Variants in COA4 observed in about 807,000 individuals in gnomAD.
COA4 encodes cytochrome c oxidase assembly factor 4 homolog.
A neutral mutation model predicts 7.3 loss-of-function variants in COA4; 8 were observed. The observed-to-expected ratio is 1.10, with a 90% confidence interval of 0.64 to 1.98. COA4 has a LOEUF of 1.98. Ranked by LOEUF, COA4 falls within the 30% of genes most tolerant of loss-of-function variation. The probability of loss-of-function intolerance (pLI) is 0.00; values close to 1 mark genes in which losing one functional copy is unlikely to be tolerated. For missense variants in COA4, 96 were observed against 111.2 expected, an observed-to-expected ratio of 0.86 and a Z score of 0.62; for synonymous variants, 42 against 44.3, an observed-to-expected ratio of 0.95 and a Z score of 0.21.
In COA4 at chr11:73,872,807, C is replaced by G. The variant is rs1948702929; in HGVS notation, c.*308G>C. On this transcript the variant is annotated 3_prime_UTR_variant, in exon 2 of 2. Coordinates refer to ENST00000355693, the MANE Select transcript of COA4 (RefSeq NM_016565.3). ...AAATTTAATTTAAAATAAAATGTCC[C>G]TAAAATCATCTCAGTACTTGGCACA... 3.1e-6 allele frequency: 1 copy of G among 322,244 alleles called. No homozygotes were observed. Among genetic ancestry groups the G allele is most frequent in the Non-Finnish European group, 5.7e-6 (1 of 175,892 alleles). 20.0% of individuals were successfully genotyped at this position (322,244 alleles called of 1,614,324 possible).
In COA4 at chr11:73,873,180, C is replaced by G; in HGVS notation, c.199G>C (p.Glu67Gln). The change falls in exon 2 of 2, where the codon GAA (glutamate) becomes CAA (glutamine). Residue 67 changes from glutamate to glutamine, a missense_variant. Transcript: ENST00000355693. Reference protein sequence around the residue: ...QVQAFKDCMSEQQARRQEELQ... With the variant: ...QVQAFKDCMSQQQARRQEELQ... ...TCCTCTTGCCGCCTCGCCTGCTGTT[C>G]ACTCATGCAATCCTTGAACGCCTGC... 1 of 1,614,184 alleles carries G rather than the reference C, an allele frequency of 6.2e-7. No individual in the cohort carries two copies. The highest frequency in any genetic ancestry group is 8.5e-7 in the Non-Finnish European group (1 of 1,180,002).
At chr11:73,873,501 C>T in intron 1 of COA4, 107 bp from the exon 2 acceptor site, 1 of 982,154 alleles carries the variant, frequency 1.0e-6, no homozygotes, top group Non-Finnish European at 1.5e-6. Context: ...GTGTCTGTCT[C>T]CCGTGGGAGA....
In COA4 at chr11:73,873,223, C is replaced by G. The variant is rs757892082; in HGVS notation, c.156G>C (p.Arg52=). The change falls in exon 2 of 2, where the codon CGG becomes CGC. Residue 52 remains arginine, a synonymous_variant. Coordinates refer to ENST00000355693, the MANE Select transcript of COA4 (RefSeq NM_016565.3). ...QECMAQHQDW[R]QCQPQVQAFK... is the part of the protein sequence containing the mutation. The stretch of plus-strand genomic sequence containing the variant: ...ACGCCTGCACCTGTGGCTGGCATTG[C>G]CGCCAGTCCTGGTGCTGGGCCATGC... The G allele has an allele frequency of 1.2e-6, 2 of 1,614,220 alleles. No homozygotes were observed. Among genetic ancestry groups the G allele is most frequent in the Non-Finnish European group, 1.7e-6 (2 of 1,180,044 alleles).
Position 73,873,229 on chromosome 11 carries a change from G to A in COA4, c.150C>T (p.Asp50=). The change falls in exon 2 of 2, where the codon GAC becomes GAT. Residue 50 remains aspartate (D), a synonymous_variant. Coordinates refer to ENST00000355693, the MANE Select transcript of COA4 (RefSeq NM_016565.3). ...AVQECMAQHQ[D]WRQCQPQVQA... ...GCACCTGTGGCTGGCATTGCCGCCA[G>A]TCCTGGTGCTGGGCCATGCACTCCT... 1 of 1,614,234 alleles carries A rather than the reference G, an allele frequency of 6.2e-7. No homozygotes were observed. The highest frequency in any genetic ancestry group is 8.5e-7 in the Non-Finnish European group (1 of 1,180,048).
At position 73,873,538 on chromosome 11, in the gene COA4, T is replaced by C; in HGVS notation, c.-16-144A>G. 2.8e-5 allele frequency: 8 copies of C among 280,854 alleles called. 1 individual carries two copies. Among genetic ancestry groups the C allele is most frequent in the Non-Finnish European group, 4.3e-5 (8 of 185,492 alleles). The allele number at this position is 280,854 out of a possible 1,614,324, so 17.4% of individuals were successfully genotyped here. On this transcript the variant is annotated intron_variant, in intron 1 of 1. Transcript: ENST00000355693. ...TCTAAGCTTGAAGACAGATGCTTGT[T>C]TTTTTTTTTTTTTTTTTGAGGGTGT...
In COA4 at chr11:73,874,145, T is replaced by C. The variant is rs1223729667; in HGVS notation, c.-16-751A>G. Among the ~76,000 whole-genome samples, 3 of 151,944 alleles carry C rather than the reference T, an allele frequency of 2.0e-5. No individual in the cohort carries two copies. The South Asian group carries it at 6.2e-4, about 32-fold the overall frequency. On this transcript the variant is annotated intron_variant, in intron 1 of 1. Transcript: ENST00000355693. ...GCAGGGGTAATAGCAAGACCTCATC[T>C]CTACAAAAAAATTTAAAAATGGCTG...
At chr11:73,873,654 G>A in intron 1 of COA4, 1 of 504,006 alleles carries the variant, frequency 2.0e-6, no homozygotes, top group East Asian at 3.1e-5. Flanking sequence ...GAGTAGCTGG[G>A]ACTACAGGTG....
chr11:73,875,647 T>C (rs142646200), intron 1 of COA4: 1 of 148,904 alleles, frequency 6.7e-6, no homozygotes, highest in African/African-American at 2.5e-5. Flanking sequence ...GTGGTTGAGA[T>C]AGAATCTGAC....
rs758708952 is a variant in COA4 at position 73,873,388 on chromosome 11, G to C, written c.-10C>G. ...GGACTGAGGTTGACATCCTGGGGAT[G>C]GGGAGTCTATAGAACATTAACAGGT... On this transcript the variant is annotated 5_prime_UTR_variant, in exon 2 of 2. Coordinates refer to ENST00000355693, the MANE Select transcript of COA4 (RefSeq NM_016565.3). 2.8e-5 allele frequency: 45 copies of C among 1,613,678 alleles called. No individual in the cohort carries two copies. The highest frequency in any genetic ancestry group is 3.8e-5 in the Non-Finnish European group (45 of 1,179,804).
Position 73,873,282 on chromosome 11 carries a change from C to A in COA4, c.97G>T (p.Gly33Cys). The A allele has an allele frequency of 6.2e-7, 1 of 1,614,260 alleles. No homozygotes were observed. The highest frequency in any genetic ancestry group is 8.5e-7 in the Non-Finnish European group (1 of 1,180,054). Residue 33 changes from glycine (G) to cysteine (C), a missense_variant, in exon 2 of 2, where the codon GGC becomes TGC. Transcript: ENST00000355693. The stretch of plus-strand genomic sequence containing the variant: ...ACTGCAAAGTGGGAGGCAGCACAGC[C>A]AGAGCGGGAGATCAGCTGGTCCAGC... ...DPLDQLISRS[G>C]CAASHFAVQE...
At chr11:73,876,126 CAA>C (rs60469198) in intron 1 of COA4, 70 of 102,794 alleles carry the variant, frequency 6.8e-4, no homozygotes, top group Admixed American at 8.5e-4. Context: ...GACCCTGTCT[CAA>C]AAAAAAAAAA....
Position 73,876,752 on chromosome 11 carries a change from C to T in COA4, c.-17+5G>A. 1 of 339,190 alleles carries T rather than the reference C, an allele frequency of 2.9e-6. No homozygotes were observed. The highest frequency in any genetic ancestry group is 5.3e-6 in the Non-Finnish European group (1 of 187,740). 21.0% of individuals were successfully genotyped at this position (339,190 alleles called of 1,614,324 possible). A position where few individuals can be genotyped will look rare whatever the true frequency, so the allele number is the denominator to read the frequency against. Reference sequence around the variant, plus strand: ...CTCCTGAAGAACGCGGTACGCGATGCTCACCGAACAGGTGGGAGAAGAGGG... The same window carrying T: ...CTCCTGAAGAACGCGGTACGCGATGTTCACCGAACAGGTGGGAGAAGAGGG... On this transcript the variant is annotated splice_donor_5th_base_variant and intron_variant, in intron 1 of 1. Coordinates refer to ENST00000355693, the MANE Select transcript of COA4 (RefSeq NM_016565.3).
intron 1 of COA4, chr11:73,873,652 G>A (rs1467247285): frequency 3.9e-6 from 2 of 511,460 alleles, no homozygotes; most frequent in Non-Finnish European, 6.8e-6. Context: ...CAGAGTAGCT[G>A]GGACTACAGG....
intron 1 of COA4, chr11:73,876,126 CA>C (rs60469198): frequency 0.5 from 51,653 of 102,494 alleles, 9,996 homozygotes; most frequent in African/African-American, 0.64. Flanking sequence ...GACCCTGTCT[CA>C]AAAAAAAAAA....
intron 1 of COA4, among the ~76,000 whole-genome samples, chr11:73,875,524 A>C (rs1002539334): frequency 1.1e-4 from 16 of 152,196 alleles, no homozygotes; most frequent in African/African-American, 3.6e-4. Flanking sequence ...AGACAAGGGC[A>C]GGAATAGGCA....
intron 1 of COA4, chr11:73,876,335 CCTTA>C (rs1289963574): frequency 8.5e-5 from 13 of 152,138 alleles, no homozygotes; most frequent in Non-Finnish European, 1.5e-4. Context: ...CAGCACTACG[CCTTA>C]CTATGTAATC....
intron 1 of COA4, among the ~76,000 whole-genome samples, chr11:73,874,771 A>G (rs901986547): frequency 6.6e-6 from 1 of 152,198 alleles, no homozygotes; most frequent in African/African-American, 2.4e-5. Flanking sequence ...ATGGATCATA[A>G]GGTCAGAAGT....
At chr11:73,874,389 G>T (rs532734389) in intron 1 of COA4, 1 of 151,768 alleles carries the variant, frequency 6.6e-6, no homozygotes, top group Non-Finnish European at 1.5e-5. Flanking sequence ...CGGAGGTTGC[G>T]GAGAGCCGAG....
At chr11:73,873,519 C>A in intron 1 of COA4, 125 bp from the exon 2 acceptor site, 1 of 733,064 alleles carries the variant, frequency 1.4e-6, no homozygotes, top group Non-Finnish European at 2.2e-6. Context: ...AGACTCTAAG[C>A]TTGAAGACAG....
Sources: allele counts gnomAD v4.1 joint callset (sites outside exome capture counted in the v4.1 genomes callset), GRCh38; gene constraint gnomAD v4.1.1; transcripts MANE v1.5; gene names NCBI Gene and HGNC (gene_info 2026-07-23, HGNC 2026-07-21).